The following DACH1 variants were observed in gnomAD, a reference collection of about 807,000 sequenced individuals.
DACH1 encodes dachshund homolog 1.
In DACH1, 12 loss-of-function variants were observed where a neutral mutation model predicts 54.2. The observed-to-expected ratio is 0.22, with a 90% CI of 0.14 to 0.36. DACH1 has a LOEUF of 0.36. DACH1 is among the 10% of genes least tolerant of loss of function. The probability of loss-of-function intolerance (pLI) is 1.00; values close to 1 mark genes in which losing one functional copy is unlikely to be tolerated. For synonymous variants in DACH1, 386 were observed against 366.2 expected, an observed-to-expected ratio of 1.05 and a Z score of -0.62; for missense variants, 805 against 929.8, an observed-to-expected ratio of 0.87 and a Z score of 1.75.
chr13:71,577,002 A>G (rs1183782058), intron 3 of DACH1, among the ~76,000 whole-genome samples: 1 of 152,078 alleles, frequency 6.6e-6, no homozygotes, highest in Admixed American at 6.6e-5. Context: ...CTAAATCTAA[A>G]CATTTCCATG....
intron 2 of DACH1, among the ~76,000 whole-genome samples, chr13:71,650,018 T>C (rs1035876980): frequency 1.3e-5 from 2 of 152,190 alleles, no homozygotes; most frequent in Non-Finnish European, 2.9e-5. Context: ...CACTTTGACC[T>C]TTATTAAAAG....
chr13:71,767,671 G>A (rs1159821675), intron 1 of DACH1, among the ~76,000 whole-genome samples: 1 of 152,030 alleles, frequency 6.6e-6, no homozygotes, highest in African/African-American at 2.4e-5. Context: ...AAAAAGCATG[G>A]TTGTTATTTA....
At chr13:71,771,166 A>C (rs1423003366) in intron 1 of DACH1, among the ~76,000 whole-genome samples, 7 of 151,412 alleles carry the variant, frequency 4.6e-5, no homozygotes, top group African/African-American at 1.7e-4. Flanking sequence ...TAAAGTTTTA[A>C]AAATATTTTA....
intron 1 of DACH1, among the ~76,000 whole-genome samples, chr13:71,809,536 T>C (rs188798412): frequency 6.6e-5 from 10 of 152,312 alleles, no homozygotes; most frequent in Non-Finnish European, 1.0e-4. Flanking sequence ...TGCCACAAAT[T>C]AATAAGTAAA....
At chr13:71,752,432 A>G (rs1884967304) in intron 1 of DACH1, among the ~76,000 whole-genome samples, 2 of 151,862 alleles carry the variant, frequency 1.3e-5, no homozygotes, top group Non-Finnish European at 2.9e-5. Flanking sequence ...ATTGCATTTA[A>G]ATTCCTACAA....
intron 6 of DACH1, among the ~76,000 whole-genome samples, chr13:71,528,093 A>G (rs1479793174): frequency 2.0e-5 from 3 of 152,174 alleles, no homozygotes; most frequent in Non-Finnish European, 4.4e-5. Context: ...AATGAGAAAG[A>G]ATAATCCAAC....
chr13:71,637,311 C>T (rs1364800437), intron 2 of DACH1, among the ~76,000 whole-genome samples: 1 of 152,116 alleles, frequency 6.6e-6, no homozygotes, highest in Non-Finnish European at 1.5e-5. Flanking sequence ...ACACATCAAG[C>T]CCTCCCCCTC....
chr13:71,753,452 T>A (rs1885009058), intron 1 of DACH1, among the ~76,000 whole-genome samples: 1 of 152,234 alleles, frequency 6.6e-6, no homozygotes, highest in Non-Finnish European at 1.5e-5. Flanking sequence ...ATCCTTATTT[T>A]AACATCTGCT....
At chr13:71,748,886 CTTTCTTTCTTTCTCTT>C (rs1316708835) in intron 1 of DACH1, among the ~76,000 whole-genome samples, 780 of 26,878 alleles carry the variant, frequency 0.029, 3 homozygotes, top group Middle Eastern at 0.091. Flanking sequence ...TTCTTTCTTT[CTTTCTTTCTTTCTCTT>C]TCTTTCTTTC....
intron 1 of DACH1, among the ~76,000 whole-genome samples, chr13:71,757,191 A>C (rs1853035382): frequency 6.6e-6 from 1 of 152,232 alleles, no homozygotes. Flanking sequence ...ATTCAATTAA[A>C]TGTTAAAATA....
chr13:71,826,654 A>G, intron 1 of DACH1, among the ~76,000 whole-genome samples: 1 of 152,152 alleles, frequency 6.6e-6, no homozygotes, highest in East Asian at 1.9e-4. Context: ...ATTATATATA[A>G]TGATGCCTAT....
intron 6 of DACH1, among the ~76,000 whole-genome samples, chr13:71,524,462 G>A (rs1881816736): frequency 6.6e-6 from 1 of 152,024 alleles, no homozygotes; most frequent in South Asian, 2.1e-4. Context: ...GCATTAAATG[G>A]GGCGAGATGA....
Position 71,475,173 on chromosome 13 carries a change from CCACTGCGGTCAGCCTCTAT to C in DACH1, c.2032_2050del (p.Ile678AlafsTer17). The C allele has an allele frequency of 6.2e-7, 1 of 1,613,910 alleles. No individual in the cohort carries two copies. Among genetic ancestry groups the C allele is most frequent in the Non-Finnish European group, 8.5e-7 (1 of 1,179,890 alleles). On this transcript the variant is annotated frameshift_variant, in exon 10 of 11. Transcript: ENST00000613252. LOFTEE classifies it high-confidence loss of function. ...TGTCCTTTCAGCATCTGTTCTGCCG[CCACTGCGGTCAGCCTCTAT>C]CTCTGGGGTCAGAGAGTCTAAAAGC...
chr13:71,859,845 C>G (rs117954862), intron 1 of DACH1, among the ~76,000 whole-genome samples: 219 of 151,930 alleles, frequency 1.4e-3, no homozygotes, highest in African/African-American at 4.9e-3. Context: ...AAGTTAGTTA[C>G]AAGACAGCCA....
At chr13:71,555,349 T>TC (rs888882673) in intron 6 of DACH1, among the ~76,000 whole-genome samples, 1 of 151,656 alleles carries the variant, frequency 6.6e-6, no homozygotes, top group African/African-American at 2.4e-5. Context: ...TCTTATCTTT[T>TC]CTTTTTTTTT....
chr13:71,801,582 T>C (rs1352756829), intron 1 of DACH1, among the ~76,000 whole-genome samples: 2 of 152,110 alleles, frequency 1.3e-5, no homozygotes, highest in Non-Finnish European at 2.9e-5. Flanking sequence ...AGTGATACAC[T>C]GATGGGCAAA....
chr13:71,447,477 T>C (rs1874567655), intron 10 of DACH1, among the ~76,000 whole-genome samples: 2 of 152,180 alleles, frequency 1.3e-5, no homozygotes, highest in Admixed American at 1.3e-4. Context: ...TTATTCCATA[T>C]ATAAAAACTA....
intron 6 of DACH1, among the ~76,000 whole-genome samples, chr13:71,507,400 AGTT>A (rs956267253): frequency 6.6e-6 from 1 of 152,206 alleles, no homozygotes; most frequent in Non-Finnish European, 1.5e-5. Flanking sequence ...CTTTTAAGAA[AGTT>A]GTTATTTCCT....
Position 71,445,795 on chromosome 13 carries a change from C to T in DACH1, c.2084-5103G>A, listed in dbSNP as rs534616854. 2.6e-5 allele frequency among the ~76,000 whole-genome samples: 4 copies of T among 152,288 alleles called. No homozygotes were observed. The East Asian group carries it at 7.7e-4, about 29-fold the overall frequency. ...GAAGTTATATTGGCCCTGTAGCCCACAGTAAATAGCTGCATGTGGACATAC... is the reference window on the plus strand; with the variant it reads ...GAAGTTATATTGGCCCTGTAGCCCATAGTAAATAGCTGCATGTGGACATAC... On this transcript the variant is annotated intron_variant, in intron 10 of 10. Transcript: ENST00000613252.
Sources: gnomAD v4.1 joint callset for allele counts (sites outside exome capture counted in the v4.1 genomes callset) on GRCh38, gnomAD v4.1.1 for gene constraint, MANE v1.5 for transcripts, NCBI Gene and HGNC (gene_info 2026-07-23, HGNC 2026-07-21) for gene names.